The following ZNF804A variants were observed in gnomAD, a reference collection of about 807,000 sequenced individuals.
ZNF804A encodes the protein zinc finger protein 804A.
In ZNF804A, 2 loss-of-function variants were observed where a neutral mutation model predicts 16.5. The ratio of observed to expected loss-of-function variants is 0.12; its 90% CI spans 0.05 to 0.38. The LOEUF (loss-of-function observed/expected upper bound fraction) is 0.38, where lower values mean the gene tolerates loss of function less well. Among genes scored for constraint, ZNF804A ranks in the 10% least tolerant of loss-of-function variants. The pLI, the probability that ZNF804A is intolerant of heterozygous loss-of-function variation, is 0.99. For missense variants in ZNF804A, 1,473 were observed against 1,390.7 expected, an observed-to-expected ratio of 1.06 and a Z score of -0.94; for synonymous variants, 534 against 489.6, an observed-to-expected ratio of 1.09 and a Z score of -1.20.
At chr2:184,599,806 GA>G (rs1402413733) in intron 1 of ZNF804A, among the ~76,000 whole-genome samples, 1 of 152,170 alleles carries the variant, frequency 6.6e-6, no homozygotes. Context: ...GAGCACTCCT[GA>G]TTGGTGGGAG....
In ZNF804A at chr2:184,938,400, C is replaced by A. The variant is rs79082132; in HGVS notation, c.3004C>A (p.Gln1002Lys). 1 of 1,614,104 alleles carries A rather than the reference C, an allele frequency of 6.2e-7. No individual in the cohort carries two copies. The highest frequency in any genetic ancestry group is 1.7e-5 in the Admixed American group (1 of 60,002). Residue 1002 changes from glutamine to lysine, a missense_variant, in exon 4 of 4, where the codon CAA becomes AAA. Transcript: ENST00000302277. ...TTATAATTCAGGAATCCTTAACACA[C>A]AACCACCATTACCATTCAAAGAAGC... ...LRYNSGILNT[Q>K]PPLPFKEAHV...
At chr2:184,658,175 T>G (rs1692112295) in intron 1 of ZNF804A, among the ~76,000 whole-genome samples, 1 of 152,022 alleles carries the variant, frequency 6.6e-6, no homozygotes, top group African/African-American at 2.4e-5. Flanking sequence ...AAAGTACACA[T>G]AACACTGAGA....
intron 1 of ZNF804A, among the ~76,000 whole-genome samples, chr2:184,615,151 G>GAA (rs1691299005): frequency 6.6e-6 from 1 of 152,188 alleles, no homozygotes; most frequent in Non-Finnish European, 1.5e-5. Flanking sequence ...GCCCATCAAT[G>GAA]ATAGACTGGA....
At chr2:184,615,535 T>C (rs1691305544) in intron 1 of ZNF804A, among the ~76,000 whole-genome samples, 2 of 152,154 alleles carry the variant, frequency 1.3e-5, no homozygotes, top group Admixed American at 1.3e-4. Context: ...AAATAAAAAT[T>C]ACCATAGTAA....
At chr2:184,606,844 CACACACACACAT>C (rs1691154602) in intron 1 of ZNF804A, among the ~76,000 whole-genome samples, 2 of 151,992 alleles carry the variant, frequency 1.3e-5, no homozygotes, top group African/African-American at 2.4e-5. Context: ...CACACACACA[CACACACACACAT>C]ACACACACAC....
chr2:184,870,152 T>A (rs549900508), intron 2 of ZNF804A, among the ~76,000 whole-genome samples: 13 of 152,124 alleles, frequency 8.5e-5, no homozygotes, highest in Admixed American at 4.6e-4. Context: ...TAAATAAATG[T>A]AAAAAGGCTA....
rs142977182 is a variant in ZNF804A, at chr2:184,852,221, C to T, written c.112-14148C>T. ...ACTGAATATAAAAGTTATGTGAATG[C>T]GGTCTCTTTCTCTCTCTCTCTCTCT... On this transcript the variant is annotated intron_variant, in intron 1 of 3. Coordinates refer to ENST00000302277, the MANE Select transcript of ZNF804A (RefSeq NM_194250.2). 2.1e-4 allele frequency among the ~76,000 whole-genome samples: 28 copies of T among 133,340 alleles called. No individual in the cohort carries two copies. In the East Asian group the frequency reaches 4.5e-3, roughly 22 times the overall value. 87.5% of individuals were successfully genotyped at this position (133,340 alleles called of 152,430 possible). A position where few individuals can be genotyped will look rare whatever the true frequency, so the allele number is the denominator to read the frequency against.
rs547458054 is a variant in ZNF804A at position 184,628,299 on chromosome 2, G to A, written c.111+29229G>A. Reference sequence around the variant, plus strand: ...CATTGCAACAGCCTGGGCAACAGGAGTGAAACCGTCTCTGAAAAAGAAAAG... The same window carrying A: ...CATTGCAACAGCCTGGGCAACAGGAATGAAACCGTCTCTGAAAAAGAAAAG... On this transcript the variant is annotated intron_variant, in intron 1 of 3. Transcript: ENST00000302277. 2.7e-4 allele frequency among the ~76,000 whole-genome samples: 41 copies of A among 151,882 alleles called. 2 individuals carry two copies. The South Asian group carries it at 8.5e-3, about 32-fold the overall frequency.
At chr2:184,919,873 C>T (rs547272369) in intron 2 of ZNF804A, among the ~76,000 whole-genome samples, 18 of 152,148 alleles carry the variant, frequency 1.2e-4, no homozygotes, top group African/African-American at 2.6e-4. Context: ...CCCAGCACTT[C>T]GGGAGGCTGA....
intron 2 of ZNF804A, among the ~76,000 whole-genome samples, chr2:184,885,490 T>C (rs1458228155): frequency 6.6e-6 from 1 of 152,170 alleles, no homozygotes; most frequent in East Asian, 1.9e-4. Flanking sequence ...ATTTACACCA[T>C]GGAATCCTAC....
intron 1 of ZNF804A, among the ~76,000 whole-genome samples, chr2:184,802,511 T>C (rs1302137588): frequency 3.3e-5 from 5 of 152,188 alleles, no homozygotes; most frequent in Non-Finnish European, 7.3e-5. Context: ...ACACAACTAA[T>C]TTATCAAAAT....
At chr2:184,656,561 A>C (rs1321425457) in intron 1 of ZNF804A, among the ~76,000 whole-genome samples, 1 of 152,124 alleles carries the variant, frequency 6.6e-6, no homozygotes, top group East Asian at 1.9e-4. Context: ...ATAGTTAATT[A>C]ACCTTAAGTG....
intron 1 of ZNF804A, among the ~76,000 whole-genome samples, chr2:184,638,305 T>C (rs1034988629): frequency 3.3e-5 from 5 of 152,224 alleles, no homozygotes; most frequent in African/African-American, 9.6e-5. Context: ...TTCACATTTA[T>C]ATGATGACAT....
chr2:184,742,814 A>G (rs946411250), intron 1 of ZNF804A, among the ~76,000 whole-genome samples: 1 of 149,282 alleles, frequency 6.7e-6, no homozygotes, highest in African/African-American at 2.4e-5. Flanking sequence ...GTGTATATAT[A>G]TAACTATATT....
intron 1 of ZNF804A, among the ~76,000 whole-genome samples, chr2:184,636,682 T>A (rs1429823949): frequency 1.3e-5 from 2 of 151,844 alleles, no homozygotes; most frequent in Non-Finnish European, 2.9e-5. Flanking sequence ...TTGTCCTAGA[T>A]CCTTTTTTTT....
At chr2:184,744,677 A>T (rs894557544) in intron 1 of ZNF804A, among the ~76,000 whole-genome samples, 8 of 151,966 alleles carry the variant, frequency 5.3e-5, no homozygotes, top group South Asian at 2.1e-4. Context: ...AAAGTAAGAC[A>T]TAATGTTTCC....
intron 1 of ZNF804A, 140 bp downstream of exon 1, chr2:184,599,210 G>A: frequency 1.4e-6 from 1 of 693,888 alleles, no homozygotes; most frequent in Non-Finnish European, 2.4e-6. Context: ...TGAGAATTGG[G>A]TGTAGAAAAA....
At chr2:184,702,581 A>C (rs1363683040) in intron 1 of ZNF804A, among the ~76,000 whole-genome samples, 1 of 152,072 alleles carries the variant, frequency 6.6e-6, no homozygotes, top group Non-Finnish European at 1.5e-5. Context: ...ACTAAGCAAA[A>C]TTTTAACTAC....
intron 1 of ZNF804A, among the ~76,000 whole-genome samples, chr2:184,839,815 G>A (rs920763079): frequency 6.6e-6 from 1 of 151,884 alleles, no homozygotes. Flanking sequence ...GAATTTTGAG[G>A]TTATTTTTTC....
Sources: allele counts gnomAD v4.1 joint callset (sites outside exome capture counted in the v4.1 genomes callset), GRCh38; gene constraint gnomAD v4.1.1; transcripts MANE v1.5; gene names NCBI Gene and HGNC (gene_info 2026-07-23, HGNC 2026-07-21).